The following TMEM131 variants were observed in gnomAD, a reference collection of about 807,000 sequenced individuals.
The protein encoded by TMEM131 is 2610524E03Rik.
Under a neutral mutation model 211.6 loss-of-function variants are expected in TMEM131, and 66 were observed. The observed-to-expected ratio is 0.31, with a 90% confidence interval of 0.26 to 0.38. TMEM131 has a LOEUF of 0.38. Ranked by LOEUF, TMEM131 falls within the 10% of genes least tolerant of loss-of-function variation. The probability of loss-of-function intolerance (pLI) is 1.00; values close to 1 mark genes in which losing one functional copy is unlikely to be tolerated. For synonymous variants in TMEM131, 844 were observed against 841.3 expected, an observed-to-expected ratio of 1.00 and a Z score of -0.06; for missense variants, 2,036 against 2,299.3, an observed-to-expected ratio of 0.89 and a Z score of 2.34.
chr2:97,806,672 G>T (rs62154516), intron 19 of TMEM131, among the ~76,000 whole-genome samples: 1 of 152,142 alleles, frequency 6.6e-6, no homozygotes, highest in Non-Finnish European at 1.5e-5. Flanking sequence ...AATAATTTAC[G>T]TAATCCTCCA....
At chr2:97,886,965 T>C (rs1404491142) in intron 4 of TMEM131, among the ~76,000 whole-genome samples, 1 of 152,020 alleles carries the variant, frequency 6.6e-6, no homozygotes, top group Non-Finnish European at 1.5e-5. Context: ...GAACTGGGAG[T>C]TATGTTTGCC....
At chr2:97,892,494 G>A (rs1397613617) in intron 3 of TMEM131, among the ~76,000 whole-genome samples, 1 of 152,042 alleles carries the variant, frequency 6.6e-6, no homozygotes, top group East Asian at 1.9e-4. Context: ...CCAAGCAGCT[G>A]GGACTACAGA....
chr2:97,886,474 C>T (rs1419071300), intron 4 of TMEM131, among the ~76,000 whole-genome samples: 1 of 151,730 alleles, frequency 6.6e-6, no homozygotes, highest in Non-Finnish European at 1.5e-5. Context: ...GGTGCATTGG[C>T]TTTGGTGCAT....
intron 31 of TMEM131, among the ~76,000 whole-genome samples, chr2:97,787,649 C>T (rs1680314686): frequency 6.6e-6 from 1 of 152,140 alleles, no homozygotes; most frequent in Non-Finnish European, 1.5e-5. Flanking sequence ...AGAAACAAAA[C>T]TTAATATGAC....
intron 25 of TMEM131, among the ~76,000 whole-genome samples, 163 bp from the exon 26 acceptor site, chr2:97,797,679 C>T (rs142122356): frequency 8.1e-4 from 124 of 152,300 alleles, no homozygotes; most frequent in Middle Eastern, 3.4e-3. Context: ...GAAAGCAGCA[C>T]AGAGTAACCA....
intron 31 of TMEM131, among the ~76,000 whole-genome samples, chr2:97,786,098 G>A (rs1680237777): frequency 6.6e-6 from 1 of 152,148 alleles, no homozygotes; most frequent in Admixed American, 6.5e-5. Flanking sequence ...TCTGTGTCTT[G>A]GCTGTATCAG....
intron 11 of TMEM131, among the ~76,000 whole-genome samples, chr2:97,829,019 C>T (rs190331180): frequency 7.2e-5 from 11 of 152,358 alleles, no homozygotes; most frequent in East Asian, 1.9e-4. Context: ...ACCCCTGGAT[C>T]GACCCACTGG....
intron 31 of TMEM131, among the ~76,000 whole-genome samples, chr2:97,782,355 G>A (rs1573352400): frequency 6.6e-6 from 1 of 152,226 alleles, no homozygotes; most frequent in East Asian, 1.9e-4. Context: ...CTCTGCCTCT[G>A]CCAGAGCAGT....
At chr2:97,767,720 C>G (rs1679242273) in intron 33 of TMEM131, among the ~76,000 whole-genome samples, 1 of 152,190 alleles carries the variant, frequency 6.6e-6, no homozygotes, top group South Asian at 2.1e-4. Context: ...GCATCGCCGG[C>G]ATTTTCCACA....
At chr2:97,938,010 A>G (rs2104478028) in intron 1 of TMEM131, among the ~76,000 whole-genome samples, 1 of 152,328 alleles carries the variant, frequency 6.6e-6, no homozygotes, top group East Asian at 1.9e-4. Context: ...CCTGCCTTAC[A>G]AGAGCTCCTG....
chr2:97,898,068 A>AT (rs1013140017), intron 3 of TMEM131, among the ~76,000 whole-genome samples: 5 of 151,720 alleles, frequency 3.3e-5, no homozygotes, highest in Non-Finnish European at 7.4e-5. Flanking sequence ...TTCATTACTG[A>AT]TTTTTTTTGT....
At chr2:97,911,526 CAG>C (rs1676291593) in intron 2 of TMEM131, 1 of 543,056 alleles carries the variant, frequency 1.8e-6, no homozygotes, top group Admixed American at 6.4e-5. Flanking sequence ...AAAAGGAACT[CAG>C]GACGTGTATC....
intron 5 of TMEM131, among the ~76,000 whole-genome samples, chr2:97,846,314 T>C (rs1322207126): frequency 2.0e-5 from 3 of 152,110 alleles, no homozygotes; most frequent in Non-Finnish European, 4.4e-5. Flanking sequence ...GCAAACTGAA[T>C]CGAGGCAAGA....
Position 97,792,401 on chromosome 2 carries a change from A to ATGGCGATGGAGGCTG in TMEM131, c.4114_4128dup (p.Gln1372_Pro1376dup). 1 of 1,572,472 alleles carries ATGGCGATGGAGGCTG rather than the reference A, an allele frequency of 6.4e-7. No homozygotes were observed. Among genetic ancestry groups the ATGGCGATGGAGGCTG allele is most frequent in the East Asian group, 2.3e-5 (1 of 44,340 alleles). ...AGATGATTACCTTTGCTTTTTGGCA[A>ATGGCGATGGAGGCTG]TGGCGATGGAGGCTGCTCTGTAAAC... On this transcript the variant is annotated inframe_insertion, in exon 31 of 41. Transcript: ENST00000186436.
chr2:97,895,284 G>A (rs1675559066), intron 3 of TMEM131, among the ~76,000 whole-genome samples: 1 of 152,162 alleles, frequency 6.6e-6, no homozygotes. Flanking sequence ...AGATTTTATT[G>A]AGGCTTCTCG....
intron 1 of TMEM131, among the ~76,000 whole-genome samples, chr2:97,983,187 G>C (rs1679874112): frequency 6.6e-6 from 1 of 151,776 alleles, no homozygotes; most frequent in Non-Finnish European, 1.5e-5. Context: ...TTTGTTTTTT[G>C]TTATCATTTC....
chr2:97,775,569 T>TTC (rs1679683744), intron 32 of TMEM131, among the ~76,000 whole-genome samples: 1 of 152,198 alleles, frequency 6.6e-6, no homozygotes, highest in Non-Finnish European at 1.5e-5. Context: ...CAAGCAGTGT[T>TTC]TCCAGTTTCT....
At chr2:97,952,101 G>T (rs1229502767) in intron 1 of TMEM131, among the ~76,000 whole-genome samples, 3 of 151,258 alleles carry the variant, frequency 2.0e-5, no homozygotes. Context: ...AGGGTGCAGT[G>T]AGCCAAGATC....
intron 4 of TMEM131, among the ~76,000 whole-genome samples, chr2:97,872,445 C>T (rs760545984): frequency 2.0e-5 from 3 of 152,158 alleles, no homozygotes; most frequent in Admixed American, 6.5e-5. Flanking sequence ...TCCAGCCTTG[C>T]TCCCCAACCG....
Sources: gnomAD v4.1 joint callset for allele counts (sites outside exome capture counted in the v4.1 genomes callset) on GRCh38, gnomAD v4.1.1 for gene constraint, MANE v1.5 for transcripts, NCBI Gene and HGNC (gene_info 2026-07-23, HGNC 2026-07-21) for gene names.